Variants in RFC3 observed in about 807,000 individuals in gnomAD.
RFC3 encodes the protein replication factor C subunit 3.
RFC3 carries 41 observed loss-of-function variants against 45.1 expected under a neutral mutation model. That is an observed-to-expected ratio of 0.91 (90% CI 0.71 to 1.18). The LOEUF (loss-of-function observed/expected upper bound fraction) is 1.18, where lower values mean the gene tolerates loss of function less well. RFC3 is among the 50% of genes most tolerant of loss of function. RFC3 has a pLI of 0.00. For missense variants in RFC3, 423 were observed against 428.1 expected (o/e 0.99, Z 0.10); for synonymous variants, 149 against 144.0 (o/e 1.03, Z -0.25).
intron 8 of RFC3, among the ~76,000 whole-genome samples, chr13:33,887,841 A>G (rs1453465088): frequency 1.3e-5 from 2 of 151,864 alleles, no homozygotes; most frequent in Admixed American, 1.3e-4. Flanking sequence ...TCAGCTTTCT[A>G]CATATGGCTA....
intron 8 of RFC3, among the ~76,000 whole-genome samples, chr13:33,909,916 A>G (rs182140696): frequency 6.6e-6 from 1 of 152,266 alleles, no homozygotes; most frequent in East Asian, 1.9e-4. Flanking sequence ...GGTAGGAGGA[A>G]GACAGAGGTC....
chr13:33,889,048 A>T (rs1352616180), intron 8 of RFC3, among the ~76,000 whole-genome samples: 2 of 152,150 alleles, frequency 1.3e-5, no homozygotes, highest in Non-Finnish European at 2.9e-5. Flanking sequence ...CCGGCCCTTT[A>T]AAGAAAATCT....
chr13:33,925,834 C>G (rs541789792), intron 8 of RFC3, among the ~76,000 whole-genome samples: 1 of 151,848 alleles, frequency 6.6e-6, no homozygotes, highest in Non-Finnish European at 1.5e-5. Flanking sequence ...CTCCTGAAAT[C>G]CTGAAGTGAC....
intron 5 of RFC3, 84 bp downstream of exon 5, chr13:33,830,101 T>C: frequency 1.6e-6 from 2 of 1,256,638 alleles, no homozygotes; most frequent in African/African-American, 1.5e-5. Context: ...AAGGGAATCG[T>C]ATCAGTAATT....
At chr13:33,824,415 A>T (rs1443154974) in intron 3 of RFC3, among the ~76,000 whole-genome samples, 2 of 152,176 alleles carry the variant, frequency 1.3e-5, no homozygotes, top group Admixed American at 6.5e-5. Context: ...GTATTATAAT[A>T]GTTCACCAAC....
At chr13:33,860,916 T>TA (rs1394744876) in intron 8 of RFC3, among the ~76,000 whole-genome samples, 412 of 14,280 alleles carry the variant, frequency 0.029, 1 homozygote, top group Non-Finnish European at 0.12. Flanking sequence ...TATATATATA[T>TA]TTTTTTACCA....
chr13:33,869,505 A>G (rs2082394321), intron 8 of RFC3, among the ~76,000 whole-genome samples: 1 of 152,218 alleles, frequency 6.6e-6, no homozygotes, highest in South Asian at 2.1e-4. Context: ...TCAATAGAAA[A>G]TACAATCCTT....
chr13:33,969,425 G>C (rs188901039), downstream of RFC3, among the ~76,000 whole-genome samples: 5 of 152,294 alleles, frequency 3.3e-5, no homozygotes, highest in Admixed American at 1.3e-4. Context: ...CCAAAGAGTA[G>C]ACTAAATAAG....
intron 8 of RFC3, among the ~76,000 whole-genome samples, chr13:33,947,007 CAT>C (rs935506833): frequency 7.2e-5 from 11 of 152,190 alleles, no homozygotes; most frequent in South Asian, 2.1e-4. Context: ...TAAATGATGA[CAT>C]GTGTTCATTT....
chr13:33,901,114 A>G (rs1291569903), intron 8 of RFC3, among the ~76,000 whole-genome samples: 1 of 152,076 alleles, frequency 6.6e-6, no homozygotes, highest in African/African-American at 2.4e-5. Context: ...TAGTACAGCC[A>G]CTGTAGAAAA....
chr13:33,956,069 T>C (rs1389210007), intron 8 of RFC3, among the ~76,000 whole-genome samples: 1 of 152,232 alleles, frequency 6.6e-6, no homozygotes, highest in African/African-American at 2.4e-5. Context: ...CTTTAATCTA[T>C]TTGTTTGCAT....
chr13:33,891,700 C>T (rs7322012), intron 8 of RFC3, among the ~76,000 whole-genome samples: 17,360 of 152,088 alleles, frequency 0.11, 2,027 homozygotes, highest in African/African-American at 0.3. Context: ...TGGATTATAA[C>T]AACTATATAA....
At chr13:33,937,208 A>G (rs1185912688) in intron 8 of RFC3, among the ~76,000 whole-genome samples, 1 of 152,186 alleles carries the variant, frequency 6.6e-6, no homozygotes, top group South Asian at 2.1e-4. Flanking sequence ...ATGTTTAGAT[A>G]TACAAATACT....
chr13:33,950,440 C>T (rs2082982555), intron 8 of RFC3, among the ~76,000 whole-genome samples: 2 of 152,064 alleles, frequency 1.3e-5, no homozygotes, highest in South Asian at 2.1e-4. Context: ...ATAGTGTTGA[C>T]CTGTGGATCC....
chr13:33,959,513 C>T (rs927852730), intron 8 of RFC3, among the ~76,000 whole-genome samples: 2 of 152,164 alleles, frequency 1.3e-5, no homozygotes, highest in South Asian at 2.1e-4. Flanking sequence ...TTGCATTCTT[C>T]CTATGAAATC....
intron 8 of RFC3, among the ~76,000 whole-genome samples, chr13:33,901,884 T>C (rs1005647594): frequency 1.3e-5 from 2 of 152,094 alleles, no homozygotes; most frequent in African/African-American, 2.4e-5. Context: ...TCAGACTCTT[T>C]GCAGCTTCTA....
At chr13:33,949,860 C>T (rs961867060) in intron 8 of RFC3, among the ~76,000 whole-genome samples, 1 of 152,058 alleles carries the variant, frequency 6.6e-6, no homozygotes, top group Non-Finnish European at 1.5e-5. Context: ...TTTCTCTTAC[C>T]TGACAGCCTT....
chr13:33,862,255 G>GTTTTT lies in RFC3; in HGVS notation c.879+27051_879+27055dup, dbSNP rs142905743. ...GGTAATTAAATCCAATCTCAGCAAA[G>GTTTTT]TTTTTTTTTTTTTTTTTGTCTGACA... On this transcript the variant is annotated intron_variant, in intron 8 of 8. Transcript: ENST00000434425. Among the ~76,000 whole-genome samples the GTTTTT allele has an allele frequency of 1.6e-4, 22 of 134,880 alleles. 1 individual carries two copies. The highest frequency in any genetic ancestry group is 2.4e-4 in the South Asian group (1 of 4,250). 88.5% of individuals were successfully genotyped at this position (134,880 alleles called of 152,430 possible).
At chr13:33,934,030 G>C (rs376837817) in intron 8 of RFC3, among the ~76,000 whole-genome samples, 2 of 151,782 alleles carry the variant, frequency 1.3e-5, no homozygotes, top group African/African-American at 4.8e-5. Flanking sequence ...ATGAAAGAAA[G>C]GAAAGAGAAA....
Sources: allele counts gnomAD v4.1 joint callset (sites outside exome capture counted in the v4.1 genomes callset), GRCh38; gene constraint gnomAD v4.1.1; transcripts MANE v1.5; gene names NCBI Gene and HGNC (gene_info 2026-07-23, HGNC 2026-07-21).